The following SAMD4B variants were observed in gnomAD, a reference collection of about 807,000 sequenced individuals.
The protein encoded by SAMD4B is protein Smaug homolog 2.
SAMD4B carries 5 observed loss-of-function variants against 74.5 expected under a neutral mutation model. The observed-to-expected ratio is 0.07, with a 90% CI of 0.04 to 0.14. SAMD4B has a LOEUF of 0.14. Among genes scored for constraint, SAMD4B ranks in the 10% least tolerant of loss-of-function variants. The pLI, the probability that SAMD4B is intolerant of heterozygous loss-of-function variation, is 1.00. For missense variants in SAMD4B, 608 were observed against 921.8 expected (o/e 0.66, Z 4.41); for synonymous variants, 373 against 374.9 (o/e 1.00, Z 0.06).
downstream of SAMD4B, chr19:39,388,492 C>T (rs1301688964): frequency 6.2e-7 from 1 of 1,614,034 alleles, no homozygotes; most frequent in East Asian, 2.2e-5. Context: ...ACAGGTTCAG[C>T]CCCATTTCTT....
chr19:39,351,164 T>C (rs1160058822), intron 1 of SAMD4B: 1 of 151,608 alleles, frequency 6.6e-6, no homozygotes, highest in Non-Finnish European at 1.5e-5. Context: ...TTGTAATTTT[T>C]GTAGAGACGG....
At chr19:39,388,395 G>A (rs759719350), downstream of SAMD4B, 6 of 1,613,952 alleles carry the variant, frequency 3.7e-6, no homozygotes, top group South Asian at 6.6e-5. Context: ...TGAAGAAGTA[G>A]TTTTCCTCAT....
rs2077726584 is a variant in SAMD4B at position 39,378,329 on chromosome 19, A to T, written c.1445-175A>T. 6.6e-6 allele frequency among the ~76,000 whole-genome samples: 1 copy of T among 152,216 alleles called. No individual in the cohort carries two copies. Among genetic ancestry groups the T allele is most frequent in the Non-Finnish European group, 1.5e-5 (1 of 68,038 alleles). On this transcript the variant is annotated intron_variant, in intron 8 of 13. Transcript: ENST00000610417. This position sits in a 1 kb window ranked among gnomAD's most constrained non-coding sequence, Gnocchi z 4.4. ...ATGTGTGTAGTGACAAGATTGTGTCAGGCACTATGTTGTATATCCTCATGA... is the reference window on the plus strand; with the variant it reads ...ATGTGTGTAGTGACAAGATTGTGTCTGGCACTATGTTGTATATCCTCATGA...
At chr19:39,371,582 C>T (rs140637082) in intron 4 of SAMD4B, among the ~76,000 whole-genome samples, 1,844 of 152,174 alleles carry the variant, frequency 0.012, 11 homozygotes, top group Non-Finnish European at 0.019. Context: ...TTTGGGAGGC[C>T]GAGGCAGGCA....
At chr19:39,379,302 C>T (rs879924864) in intron 9 of SAMD4B, among the ~76,000 whole-genome samples, 11 of 152,166 alleles carry the variant, frequency 7.2e-5, no homozygotes, top group African/African-American at 1.2e-4. Flanking sequence ...ATGCCCAGCC[C>T]GTACATACTC....
intron 12 of SAMD4B, among the ~76,000 whole-genome samples, chr19:39,382,070 G>C (rs2078027006): frequency 6.6e-6 from 1 of 151,716 alleles, no homozygotes; most frequent in African/African-American, 2.4e-5. Flanking sequence ...AGGCTCGTCT[G>C]GAATGGGCTG....
chr19:39,361,302 G>C (rs181591141), intron 3 of SAMD4B, among the ~76,000 whole-genome samples: 115 of 152,248 alleles, frequency 7.6e-4, no homozygotes, highest in African/African-American at 2.2e-3. Context: ...CTTGAGTTCA[G>C]TTGGTTCACT....
At chr19:39,369,548 A>G in intron 3 of SAMD4B, 107 bp from the exon 4 acceptor site, 2 of 863,668 alleles carry the variant, frequency 2.3e-6, no homozygotes, top group Non-Finnish European at 3.6e-6. Context: ...GAAAATCGTT[A>G]TGAAAAGAAG....
rs974274170 is a variant in SAMD4B at position 39,383,850 on chromosome 19, G to A, written c.*323G>A. 4.2e-5 allele frequency: 33 copies of A among 781,914 alleles called. No homozygotes were observed. Among genetic ancestry groups the A allele is most frequent in the Non-Finnish European group, 6.1e-5 (30 of 492,682 alleles). 48.4% of individuals were successfully genotyped at this position (781,914 alleles called of 1,614,324 possible). On this transcript the variant is annotated 3_prime_UTR_variant, in exon 14 of 14. Coordinates refer to ENST00000610417, the MANE Select transcript of SAMD4B (RefSeq NM_001384574.2). The surrounding 1 kb of genome is among the most constrained non-coding windows in gnomAD (Gnocchi z 4.1). ...ATCCCACCCCTGCCTCCTCCAGACC[G>A]CTGACCACCTGCCTCTCCCCAAGGG... is the stretch of plus-strand genomic sequence containing the variant.
chr19:39,349,350 G>C (rs2075887664), intron 1 of SAMD4B, among the ~76,000 whole-genome samples: 1 of 152,158 alleles, frequency 6.6e-6, no homozygotes, highest in Non-Finnish European at 1.5e-5. Context: ...TCGGGGGGAA[G>C]GGGTGTCAAG....
At chr19:39,358,297 T>C (rs1183493364) in intron 3 of SAMD4B, among the ~76,000 whole-genome samples, 1 of 152,202 alleles carries the variant, frequency 6.6e-6, no homozygotes. Context: ...AAAAGCAGTG[T>C]TCTTACGTGG....
Position 39,375,976 on chromosome 19 carries a change from G to A in SAMD4B, c.907+87G>A. Reference sequence around the variant, plus strand: ...AGAAAGGAGCTTGTAGCTGACACCTGCTTACCCCTCTGAGGAGGGGACATG... The same window carrying A: ...AGAAAGGAGCTTGTAGCTGACACCTACTTACCCCTCTGAGGAGGGGACATG... On this transcript the variant is annotated intron_variant, in intron 5 of 13. Transcript: ENST00000610417. This position sits in a 1 kb window ranked among gnomAD's most constrained non-coding sequence, Gnocchi z 4.1. 1 of 1,526,358 alleles carries A rather than the reference G, an allele frequency of 6.6e-7. No individual in the cohort carries two copies. 94.6% of individuals were successfully genotyped at this position (1,526,358 alleles called of 1,614,324 possible). A position where few individuals can be genotyped will look rare whatever the true frequency, so the allele number is the denominator to read the frequency against.
intron 3 of SAMD4B, 120 bp from the exon 4 acceptor site, chr19:39,369,530 TATGAA>T (rs756038976): frequency 4.6e-5 from 34 of 732,636 alleles, no homozygotes; most frequent in South Asian, 1.3e-4. Flanking sequence ...GTTTGGGAGT[TATGAA>T]AAGAAAATCG....
downstream of SAMD4B, chr19:39,389,780 A>G (rs1229682209): frequency 3.1e-6 from 5 of 1,613,678 alleles, no homozygotes; most frequent in Admixed American, 1.7e-5. The surrounding 1 kb of genome is among the most constrained non-coding windows in gnomAD (Gnocchi z 5.3). Context: ...GGAAACACCT[A>G]TTGTGGTGTT....
rs771177638 is a variant in SAMD4B at position 39,377,668 on chromosome 19, C to G, written c.1288C>G (p.Pro430Ala). 6.2e-7 allele frequency: 1 copy of G among 1,614,036 alleles called. No individual in the cohort carries two copies. Among genetic ancestry groups the G allele is most frequent in the Admixed American group, 1.7e-5 (1 of 60,002 alleles). ...AGGTGCTGAGCCTCCCCTAGCCCAC[C>G]CCGGCACAGACAAAGGCACCGAGGC... ...LPGAEPPLAH[P>A]GTDKGTEAKD... The change falls in exon 8 of 14, where the codon CCC (proline) becomes GCC (alanine). Residue 430 changes from proline to alanine, a missense_variant. This residue lies in a region of SAMD4B where 99 missense variants were observed against 112.1 expected (regional missense o/e 0.88). Transcript: ENST00000610417.
chr19:39,343,227 C>T (rs2075435680), intron 1 of SAMD4B, among the ~76,000 whole-genome samples: 1 of 151,658 alleles, frequency 6.6e-6, no homozygotes, highest in South Asian at 2.1e-4. Context: ...CACCCGACTT[C>T]CCCCTCCCGG....
At chr19:39,390,261 T>A, downstream of SAMD4B, 2 of 1,613,526 alleles carry the variant, frequency 1.2e-6, no homozygotes, top group South Asian at 1.1e-5. Context: ...GGGGCTCACC[T>A]CTCAGGCAGA....
downstream of SAMD4B, chr19:39,389,680 G>T: frequency 6.2e-7 from 1 of 1,614,112 alleles, no homozygotes. The surrounding 1 kb of genome is among the most constrained non-coding windows in gnomAD (Gnocchi z 5.3). Context: ...TGATGAGATC[G>T]ATGGTGACCC....
At chr19:39,356,540 T>C (rs897383382) in intron 2 of SAMD4B, 149 bp from the exon 3 acceptor site, 1 of 174,364 alleles carries the variant, frequency 5.7e-6, no homozygotes, top group Admixed American at 6.3e-5. Context: ...CTTTAATATC[T>C]GGTGTTGGCT....
Sources: gnomAD v4.1 joint callset for allele counts (sites outside exome capture counted in the v4.1 genomes callset) on GRCh38, gnomAD v4.1.1 for gene constraint, gnomAD v4.1.1 regional missense constraint, Gnocchi (gnomAD v3.1) non-coding constraint, MANE v1.5 for transcripts, NCBI Gene and HGNC (gene_info 2026-07-23, HGNC 2026-07-21) for gene names.